The following AVL9 variants were observed in gnomAD, a reference collection of about 807,000 sequenced individuals.
The protein encoded by AVL9 is AVL9 cell migration associated.
In AVL9, 49 loss-of-function variants were observed where a neutral mutation model predicts 79.2. The ratio of observed to expected loss-of-function variants is 0.62; its 90% CI spans 0.49 to 0.79. The LOEUF (loss-of-function observed/expected upper bound fraction) is 0.79, where lower values mean the gene tolerates loss of function less well. AVL9 is among the 30% of genes least tolerant of loss of function. The pLI is 0.00. For missense variants in AVL9, 682 were observed against 776.8 expected, an observed-to-expected ratio of 0.88 and a Z score of 1.45; for synonymous variants, 299 against 280.6, an observed-to-expected ratio of 1.07 and a Z score of -0.65.
chr7:32,518,519 G>A (rs990744106), intron 1 of AVL9, among the ~76,000 whole-genome samples: 2 of 151,976 alleles, frequency 1.3e-5, no homozygotes, highest in Admixed American at 1.3e-4. Flanking sequence ...GGTAATTTTT[G>A]TCTAATTCAA....
chr7:32,583,723 G>A (rs182342983), intron 15 of AVL9, 69 bp from the exon 16 acceptor site: 4 of 915,808 alleles, frequency 4.4e-6, no homozygotes, highest in Non-Finnish European at 6.8e-6. Flanking sequence ...TATTAATTAT[G>A]TTGGTCTTTC....
At position 32,584,190 on chromosome 7, in the gene AVL9, T is replaced by A. The variant is rs905102768; in HGVS notation, c.*283T>A. On this transcript the variant is annotated 3_prime_UTR_variant, in exon 16 of 16. Coordinates refer to ENST00000318709, the MANE Select transcript of AVL9 (RefSeq NM_015060.3). The stretch of plus-strand genomic sequence containing the variant: ...TTCTAATGAATTTTGAGTTCTGATA[T>A]TGTACATTGGTTTACTTTAGAAGAG... 4.6e-5 allele frequency: 19 copies of A among 415,068 alleles called. No individual in the cohort carries two copies. The highest frequency in any genetic ancestry group is 1.1e-4 in the Admixed American group (3 of 27,046). The allele number at this position is 415,068 out of a possible 1,614,324, so 25.7% of individuals were successfully genotyped here. A position where few individuals can be genotyped will look rare whatever the true frequency, so the allele number is the denominator to read the frequency against.
intron 12 of AVL9, among the ~76,000 whole-genome samples, chr7:32,575,335 G>A (rs771037308): frequency 6.6e-5 from 10 of 152,156 alleles, no homozygotes; most frequent in Non-Finnish European, 1.0e-4. Flanking sequence ...CTGACCTCCA[G>A]TGATCCGCCC....
rs1290187575 is a variant in AVL9, at chr7:32,495,708, C to T, written c.-2C>T. On this transcript the variant is annotated 5_prime_UTR_variant, in exon 1 of 16. Transcript: ENST00000318709. Reference sequence around the variant, plus strand: ...CGTCGTGCGGGCCCGCGGCGGCCGCCCATGGAGAAGGCCAGGAGAGGCGGG... The same window carrying T: ...CGTCGTGCGGGCCCGCGGCGGCCGCTCATGGAGAAGGCCAGGAGAGGCGGG... 2.4e-6 allele frequency: 3 copies of T among 1,256,822 alleles called. No individual in the cohort carries two copies. The highest frequency in any genetic ancestry group is 7.0e-5 in the South Asian group (2 of 28,638). The allele number at this position is 1,256,822 out of a possible 1,614,324, so 77.9% of individuals were successfully genotyped here.
chr7:32,575,247 C>T (rs1181315489), intron 12 of AVL9, among the ~76,000 whole-genome samples: 5 of 152,024 alleles, frequency 3.3e-5, no homozygotes, highest in South Asian at 2.1e-4. Flanking sequence ...TACAGGTACC[C>T]GCCACCACGC....
At chr7:32,519,424 T>TC (rs1227388723) in intron 1 of AVL9, among the ~76,000 whole-genome samples, 3 of 129,408 alleles carry the variant, frequency 2.3e-5, no homozygotes, top group Admixed American at 8.4e-5. Flanking sequence ...CGAGACTCTG[T>TC]CCCAAAAAAA....
chr7:32,511,343 A>G (rs1480733134), intron 1 of AVL9, among the ~76,000 whole-genome samples: 2 of 151,114 alleles, frequency 1.3e-5, no homozygotes, highest in Admixed American at 1.3e-4. Context: ...GGGAATCCAC[A>G]GTCCTGGCAC....
At chr7:32,503,623 A>G (rs1285640786) in intron 1 of AVL9, among the ~76,000 whole-genome samples, 1 of 150,620 alleles carries the variant, frequency 6.6e-6, no homozygotes, top group African/African-American at 2.4e-5. Flanking sequence ...TCATCACATC[A>G]CTGTGCTCAT....
In AVL9 at chr7:32,583,905, T is replaced by G. The variant is rs1010708400; in HGVS notation, c.1945T>G (p.Ter649GlyextTer13). ...CACTGAGCCACCAGATGAGAAGCCT[T>G]GAGCAAGGCGTCAGAGGCTGCTATT... is the stretch of plus-strand genomic sequence containing the variant. ...SLTEPPDEKP[*>G] The change falls in exon 16 of 16, where the codon TGA becomes GGA. Residue 649 changes from the stop codon to glycine (G), a stop_lost. Coordinates refer to ENST00000318709, the MANE Select transcript of AVL9 (RefSeq NM_015060.3). The G allele has an allele frequency of 2.5e-6, 4 of 1,610,584 alleles. No individual in the cohort carries two copies. Among genetic ancestry groups the G allele is most frequent in the Non-Finnish European group, 3.4e-6 (4 of 1,176,782 alleles).
rs1790214884 is a variant in AVL9, at chr7:32,559,088, T to C, written c.839T>C (p.Val280Ala). The change falls in exon 10 of 16, where the codon GTC becomes GCC. Residue 280 changes from valine (V) to alanine (A), a missense_variant. Coordinates refer to ENST00000318709, the MANE Select transcript of AVL9 (RefSeq NM_015060.3). Reference sequence around the variant, plus strand: ...ACCAACTTGGGAACTATCAGGAAAGTCATGGCAGGAAACCATGGAGAAGAT... The same window carrying C: ...ACCAACTTGGGAACTATCAGGAAAGCCATGGCAGGAAACCATGGAGAAGAT... ...SHTNLGTIRKVMAGNHGEDAA... is the reference protein window; with the variant it reads ...SHTNLGTIRKAMAGNHGEDAA... 1 of 1,614,096 alleles carries C rather than the reference T, an allele frequency of 6.2e-7. No homozygotes were observed. The highest frequency in any genetic ancestry group is 1.7e-5 in the Admixed American group (1 of 60,012).
Position 32,495,549 on chromosome 7 carries a change from G to T in AVL9, c.-161G>T, listed in dbSNP as rs1786752588. ...TGAGGGAAGGGCGGCCGTGGCCCTG[G>T]GGGCGGCGGGAGCTGCTTTGCCTCC... is the stretch of plus-strand genomic sequence containing the variant. On this transcript the variant is annotated 5_prime_UTR_variant, in exon 1 of 16. Transcript: ENST00000318709. The T allele has an allele frequency of 2.4e-6, 1 of 420,402 alleles. No homozygotes were observed. Among genetic ancestry groups the T allele is most frequent in the East Asian group, 3.6e-5 (1 of 27,996 alleles). The allele number at this position is 420,402 out of a possible 1,614,324, so 26.0% of individuals were successfully genotyped here.
intron 10 of AVL9, among the ~76,000 whole-genome samples, chr7:32,560,744 T>C (rs1296438151): frequency 6.6e-6 from 1 of 152,192 alleles, no homozygotes; most frequent in Non-Finnish European, 1.5e-5. Flanking sequence ...CCCAGATCCA[T>C]CAAAGGAATC....
At chr7:32,576,512 C>T (rs1189570985) in intron 13 of AVL9, among the ~76,000 whole-genome samples, 2 of 152,008 alleles carry the variant, frequency 1.3e-5, no homozygotes, top group Non-Finnish European at 2.9e-5. Context: ...ATATCTGAAG[C>T]TGGGCTCATG....
At chr7:32,551,546 G>A (rs3213973) in intron 5 of AVL9, 123 bp downstream of exon 5, 277,539 of 426,804 alleles carry the variant, frequency 0.65, 88,626 homozygotes, top group Admixed American at 0.74. Flanking sequence ...ATGTGAAAAC[G>A]CATTTGCATT....
Position 32,559,075 on chromosome 7 carries a change from A to C in AVL9, c.826A>C (p.Thr276Pro), listed in dbSNP as rs748845908. 13 of 1,614,158 alleles carry C rather than the reference A, an allele frequency of 8.1e-6. No individual in the cohort carries two copies. Among genetic ancestry groups the C allele is most frequent in the Non-Finnish European group, 9.3e-6 (11 of 1,179,988 alleles). The change falls in exon 10 of 16, where the codon ACT becomes CCT. Residue 276 changes from threonine (T) to proline (P), a missense_variant. Coordinates refer to ENST00000318709, the MANE Select transcript of AVL9 (RefSeq NM_015060.3). ...TGATGTTTCACATACCAACTTGGGA[A>C]CTATCAGGAAAGTCATGGCAGGAAA... ...TADVSHTNLG[T>P]IRKVMAGNHG...
At chr7:32,544,843 C>A in intron 3 of AVL9, 64 bp downstream of exon 3, 1 of 1,215,150 alleles carries the variant, frequency 8.2e-7, no homozygotes, top group Non-Finnish European at 1.2e-6. Flanking sequence ...CACTTAAACA[C>A]AGTCTTTATT....
chr7:32,520,428 G>A (rs111452001), intron 1 of AVL9, among the ~76,000 whole-genome samples: 21 of 152,282 alleles, frequency 1.4e-4, no homozygotes, highest in African/African-American at 5.1e-4. Flanking sequence ...AACAATCCCT[G>A]ATGAGTATAT....
At chr7:32,568,797 A>G (rs1213769098) in intron 10 of AVL9, among the ~76,000 whole-genome samples, 2 of 152,172 alleles carry the variant, frequency 1.3e-5, no homozygotes, top group Non-Finnish European at 2.9e-5. Flanking sequence ...TAGTTTTGTT[A>G]TTATTATGAA....
chr7:32,552,092 G>T, intron 5 of AVL9, 137 bp from the exon 6 acceptor site: 1 of 597,568 alleles, frequency 1.7e-6, no homozygotes, highest in Non-Finnish European at 3.1e-6. Flanking sequence ...TTGCAGAGAG[G>T]CTTGATTGTT....
Sources: gnomAD v4.1 joint callset for allele counts (sites outside exome capture counted in the v4.1 genomes callset) on GRCh38, gnomAD v4.1.1 for gene constraint, MANE v1.5 for transcripts, NCBI Gene and HGNC (gene_info 2026-07-23, HGNC 2026-07-21) for gene names.